Variants in PRRG1 observed in about 807,000 individuals in gnomAD.
The protein encoded by PRRG1 is proline rich and Gla domain 1.
In PRRG1, 5 loss-of-function variants were observed where a neutral mutation model predicts 11.8. The observed-to-expected ratio is 0.42, with a 90% confidence interval of 0.22 to 0.89. The LOEUF is 0.89. Ranked by LOEUF, PRRG1 falls within the 40% of genes least tolerant of loss-of-function variation. The pLI is 0.28. For missense variants in PRRG1, 155 were observed against 166.1 expected (o/e 0.93, Z 0.37); for synonymous variants, 66 against 60.4 (o/e 1.09, Z -0.43).
intron 3 of PRRG1, chrX:37,441,182 A>G (rs1932969970): frequency 9.6e-6 from 8 of 830,566 alleles, no homozygotes; most frequent in Non-Finnish European, 1.0e-5. Context: ...TCAAATTGAT[A>G]TTCTCAGAAT....
chrX:37,430,645 ATAAT>A (rs1279097415), intron 3 of PRRG1, among the ~76,000 whole-genome samples: 1 of 111,805 alleles, frequency 8.9e-6, no homozygotes, highest in African/African-American at 3.2e-5. Flanking sequence ...TTATTTGGAA[ATAAT>A]TATAGATTCA....
At chrX:37,422,818 T>C (rs1346524837) in intron 2 of PRRG1, among the ~76,000 whole-genome samples, 1 of 111,752 alleles carries the variant, frequency 8.9e-6, no homozygotes, top group African/African-American at 3.3e-5. Context: ...ATTACTCACA[T>C]GTTTGTGGCA....
intron 3 of PRRG1, among the ~76,000 whole-genome samples, chrX:37,432,411 A>G (rs928862723): frequency 2.7e-5 from 3 of 111,657 alleles, no homozygotes; most frequent in Non-Finnish European, 5.6e-5. Flanking sequence ...TAATGCCTAC[A>G]TTTCTGGCCT....
chrX:37,387,932 A>G (rs1556375613), intron 1 of PRRG1, among the ~76,000 whole-genome samples: 1 of 112,284 alleles, frequency 8.9e-6, no homozygotes, highest in African/African-American at 3.2e-5. Context: ...CCAAAATAAA[A>G]TGGGGGTATA....
intron 2 of PRRG1, among the ~76,000 whole-genome samples, chrX:37,410,178 G>T (rs1932314290): frequency 8.9e-6 from 1 of 111,835 alleles, no homozygotes; most frequent in African/African-American, 3.2e-5. Flanking sequence ...TAATTATTCT[G>T]AGATTAACAC....
chrX:37,423,311 A>G (rs1556387576), intron 2 of PRRG1, among the ~76,000 whole-genome samples: 1 of 110,463 alleles, frequency 9.1e-6, no homozygotes, highest in East Asian at 2.8e-4. Flanking sequence ...AATAGGAAAA[A>G]GGCTTATAGA....
At chrX:37,357,342 T>C (rs1210671762) in intron 1 of PRRG1, among the ~76,000 whole-genome samples, 4 of 111,956 alleles carry the variant, frequency 3.6e-5, no homozygotes, top group Middle Eastern at 4.2e-3. Flanking sequence ...GTCGTAATTA[T>C]AAATAAAGCT....
chrX:37,400,221 C>A (rs148298565), intron 1 of PRRG1, among the ~76,000 whole-genome samples: 1,498 of 111,203 alleles, frequency 0.013, 32 homozygotes, highest in African/African-American at 0.046. Context: ...AAATTGTACA[C>A]ATAGTTGGAA....
intron 1 of PRRG1, among the ~76,000 whole-genome samples, chrX:37,382,308 G>A (rs1322828686): frequency 4.5e-5 from 5 of 111,166 alleles, no homozygotes; most frequent in Non-Finnish European, 7.6e-5. Flanking sequence ...TAGTATGCAC[G>A]TGCTTGCCCC....
Position 37,425,992 on chromosome X carries a change from GA to G in PRRG1, c.169del (p.Thr57LeufsTer31). ...AGCAAGAGAAGCTTTTGAAAATAAT[GA>G]AAAAACTGTAAGTATGTTGGCAATT... ...EEAREAFENN[E>X]KTKEFWSTYT... On this transcript the variant is annotated frameshift_variant, in exon 3 of 4. Coordinates refer to ENST00000378628, the MANE Select transcript of PRRG1 (RefSeq NM_001142395.2). LOFTEE classifies it high-confidence loss of function. The G allele has an allele frequency of 2.5e-6, 3 of 1,177,303 alleles. No homozygotes were observed. Among genetic ancestry groups the G allele is most frequent in the Non-Finnish European group, 3.4e-6 (3 of 881,628 alleles).
intron 1 of PRRG1, among the ~76,000 whole-genome samples, chrX:37,365,166 G>A (rs1252417689): frequency 8.9e-6 from 1 of 111,914 alleles, no homozygotes; most frequent in South Asian, 3.8e-4. Flanking sequence ...ATGTTTGGAA[G>A]AAGGAGTCGG....
At chrX:37,402,596 C>A (rs1257733595) in intron 1 of PRRG1, among the ~76,000 whole-genome samples, 1 of 111,693 alleles carries the variant, frequency 9.0e-6, no homozygotes, top group East Asian at 2.8e-4. Context: ...GTCTAAAACA[C>A]CAAAAGCAAT....
In PRRG1 at chrX:37,402,922, A is replaced by G. The variant is rs782356676; in HGVS notation, c.-41-3287A>G. Among the ~76,000 whole-genome samples the G allele has an allele frequency of 4.5e-3, 505 of 112,200 alleles. 5 individuals carry two copies. The highest frequency in any genetic ancestry group is 0.016 in the African/African-American group (491 of 30,853). On this transcript the variant is annotated intron_variant, in intron 1 of 3. Coordinates refer to ENST00000378628, the MANE Select transcript of PRRG1 (RefSeq NM_001142395.2). ...CATCAGAGAAATGCAAATCAAAACC[A>G]TAATGAGAAACCATCTCACACCACT... is the stretch of plus-strand genomic sequence containing the variant.
At chrX:37,397,977 AACAC>A (rs782125904) in intron 1 of PRRG1, among the ~76,000 whole-genome samples, 95 of 83,979 alleles carry the variant, frequency 1.1e-3, no homozygotes, top group South Asian at 2.8e-3. Flanking sequence ...TATAAAAACT[AACAC>A]ACACACACAC....
chrX:37,404,064 G>A (rs371065728), intron 1 of PRRG1, among the ~76,000 whole-genome samples: 3 of 112,059 alleles, frequency 2.7e-5, no homozygotes, highest in Non-Finnish European at 5.6e-5. Context: ...CTGACAGCTC[G>A]TTCCTTTGTG....
chrX:37,393,562 A>C (rs1364568307), intron 1 of PRRG1, among the ~76,000 whole-genome samples: 2 of 111,333 alleles, frequency 1.8e-5, no homozygotes, highest in East Asian at 2.8e-4. Flanking sequence ...AGGAAATCCA[A>C]ATGGTTTTCC....
At chrX:37,426,424 A>G (rs1236038198) in intron 3 of PRRG1, among the ~76,000 whole-genome samples, 3 of 111,976 alleles carry the variant, frequency 2.7e-5, no homozygotes, top group African/African-American at 9.7e-5. Context: ...ACTCCGCGAG[A>G]ATACTCCTCT....
At chrX:37,437,043 G>A (rs939846136) in intron 3 of PRRG1, among the ~76,000 whole-genome samples, 3 of 112,203 alleles carry the variant, frequency 2.7e-5, no homozygotes, top group Non-Finnish European at 3.8e-5. Context: ...GCTACCTTCT[G>A]TAAAGATGAG....
chrX:37,379,425 G>T (rs1444515911), intron 1 of PRRG1, among the ~76,000 whole-genome samples: 1 of 110,366 alleles, frequency 9.1e-6, no homozygotes, highest in Non-Finnish European at 1.9e-5. Flanking sequence ...TAAGAAATGT[G>T]TATAAAACAT....
Sources: allele counts gnomAD v4.1 joint callset (sites outside exome capture counted in the v4.1 genomes callset), GRCh38; gene constraint gnomAD v4.1.1; transcripts MANE v1.5; gene names NCBI Gene and HGNC (gene_info 2026-07-23, HGNC 2026-07-21).